BDP1: variants seen among roughly 807,000 people sequenced by gnomAD.
The protein encoded by BDP1 is BDP1 general transcription factor IIIB subunit.
In BDP1, 169 loss-of-function variants were observed where a neutral mutation model predicts 266.6. The observed-to-expected ratio is 0.63, with a 90% CI of 0.56 to 0.72. The LOEUF is 0.72. Among genes scored for constraint, BDP1 ranks in the 30% least tolerant of loss-of-function variants. The pLI, the probability that BDP1 is intolerant of heterozygous loss-of-function variation, is 0.00. For synonymous variants in BDP1, 1,090 were observed against 1,022.4 expected, an observed-to-expected ratio of 1.07 and a Z score of -1.26; for missense variants, 3,015 against 3,053.8, an observed-to-expected ratio of 0.99 and a Z score of 0.30.
chr5:71,511,982 A>G (rs138634043), intron 17 of BDP1, among the ~76,000 whole-genome samples: 3,779 of 147,380 alleles, frequency 0.026, 71 homozygotes, highest in South Asian at 0.075. Flanking sequence ...ATCTTCTAAC[A>G]TTTTCAAGGA....
At chr5:71,559,783 A>G (rs1219443574) in intron 36 of BDP1, among the ~76,000 whole-genome samples, 199 bp from the exon 37 acceptor site, 1 of 152,214 alleles carries the variant, frequency 6.6e-6, no homozygotes, top group Non-Finnish European at 1.5e-5. Context: ...TTGTTTCTGA[A>G]TGCAGAAGCT....
chr5:71,521,379 A>G (rs1271237507), intron 22 of BDP1, among the ~76,000 whole-genome samples: 1 of 141,106 alleles, frequency 7.1e-6, no homozygotes, highest in Non-Finnish European at 1.5e-5. Flanking sequence ...TGTAACCTCC[A>G]CCTCCCAGGT....
At chr5:71,513,130 C>T (rs1765025526) in intron 18 of BDP1, 55 bp from the exon 19 acceptor site, 8 of 1,303,294 alleles carry the variant, frequency 6.1e-6, no homozygotes, top group Admixed American at 2.1e-5. Flanking sequence ...ACTGAGACTC[C>T]GTTTCCACTG....
intron 11 of BDP1, among the ~76,000 whole-genome samples, chr5:71,491,640 T>G (rs1415017606): frequency 6.6e-6 from 1 of 152,194 alleles, no homozygotes; most frequent in African/African-American, 2.4e-5. Context: ...TAACTGCACC[T>G]CTATACCTAT....
Position 71,506,810 on chromosome 5 carries a change from CACACACACACACA to C in BDP1, c.2372+2060_2372+2072del, listed in dbSNP as rs2150459022. ...AAACACACACACACACACACACACA[CACACACACACACA>C]CCCATATTTTTTTAAAGACAAGGGT... On this transcript the variant is annotated intron_variant, in intron 16 of 38. Transcript: ENST00000358731. 1.4e-5 allele frequency among the ~76,000 whole-genome samples: 2 copies of C among 140,828 alleles called. 1 individual carries two copies. The highest frequency in any genetic ancestry group is 4.9e-4 in the South Asian group (2 of 4,092). The allele number at this position is 140,828 out of a possible 152,430, so 92.4% of individuals were successfully genotyped here.
At chr5:71,533,811 T>C (rs1016595999) in intron 26 of BDP1, among the ~76,000 whole-genome samples, 3 of 152,054 alleles carry the variant, frequency 2.0e-5, no homozygotes, top group African/African-American at 7.2e-5. Flanking sequence ...TGGTGTCACA[T>C]TGTGGTTTTG....
chr5:71,542,898 A>C (rs1640583102), intron 30 of BDP1, among the ~76,000 whole-genome samples: 1 of 151,952 alleles, frequency 6.6e-6, no homozygotes, highest in Admixed American at 6.6e-5. Flanking sequence ...CTGTTTTTTC[A>C]ACTCATGTCC....
intron 5 of BDP1, 125 bp downstream of exon 5, chr5:71,466,346 A>G: frequency 9.8e-7 from 1 of 1,020,136 alleles, no homozygotes; most frequent in Non-Finnish European, 1.4e-6. Context: ...TATTTGCATA[A>G]TGAATATTGT....
intron 26 of BDP1, among the ~76,000 whole-genome samples, chr5:71,533,489 A>G (rs1766385092): frequency 7.9e-6 from 1 of 127,384 alleles, no homozygotes; most frequent in East Asian, 2.3e-4. Context: ...TTTTTTTGAG[A>G]CGGCCTTGCA....
chr5:71,495,554 C>A, intron 12 of BDP1, 146 bp downstream of exon 12: 1 of 495,968 alleles, frequency 2.0e-6, no homozygotes, highest in African/African-American at 2.0e-5. Flanking sequence ...TGTAATTATA[C>A]TGTAGTCTGT....
chr5:71,536,707 G>A (rs1018905971), intron 26 of BDP1, among the ~76,000 whole-genome samples: 2 of 152,154 alleles, frequency 1.3e-5, no homozygotes, highest in African/African-American at 4.8e-5. Context: ...GCATGCGCCT[G>A]TGGTCCCAGC....
Position 71,456,041 on chromosome 5 carries a change from C to CA in BDP1, c.165dup (p.Val56SerfsTer14), listed in dbSNP as rs1561657649. ...CCCGCGGAGCCCACAGATGTGCCCA[C>CA]AGTCGATTTCGGTGGAGCGGAGCCC... On this transcript the variant is annotated frameshift_variant, in exon 1 of 39. Coordinates refer to ENST00000358731, the MANE Select transcript of BDP1 (RefSeq NM_018429.3). LOFTEE classifies it high-confidence loss of function. The CA allele has an allele frequency of 6.2e-7, 1 of 1,613,504 alleles. No homozygotes were observed. Among genetic ancestry groups the CA allele is most frequent in the Non-Finnish European group, 8.5e-7 (1 of 1,180,042 alleles).
At chr5:71,533,088 A>C (rs375677212) in intron 26 of BDP1, among the ~76,000 whole-genome samples, 3 of 152,152 alleles carry the variant, frequency 2.0e-5, no homozygotes, top group African/African-American at 7.2e-5. Context: ...CTGTTCATCT[A>C]TGTTGCAGCA....
chr5:71,560,619 T>G (rs1000393842), intron 37 of BDP1, among the ~76,000 whole-genome samples: 1 of 152,194 alleles, frequency 6.6e-6, no homozygotes, highest in African/African-American at 2.4e-5. Context: ...TTTTCTCCCT[T>G]GTGACAAACC....
intron 34 of BDP1, among the ~76,000 whole-genome samples, chr5:71,552,525 G>T (rs1742900900): frequency 6.6e-6 from 1 of 152,260 alleles, no homozygotes; most frequent in South Asian, 2.1e-4. Context: ...TCCAGCCTGG[G>T]CACCATTGAG....
chr5:71,575,089 C>T, the BDP1 span, among the ~76,000 whole-genome samples: 2 of 152,096 alleles, frequency 1.3e-5, no homozygotes, highest in South Asian at 2.1e-4. Flanking sequence ...AGCCTTATGT[C>T]GCAAATACAG....
chr5:71,522,513 A>AC (rs1270271359), intron 23 of BDP1, 23 bp downstream of exon 23: 12 of 1,572,504 alleles, frequency 7.6e-6, no homozygotes, highest in Non-Finnish European at 1.0e-5. Flanking sequence ...AAAAAAAAAA[A>AC]AAAAATTTTT....
intron 7 of BDP1, among the ~76,000 whole-genome samples, chr5:71,474,487 T>C (rs1421087525): frequency 6.6e-6 from 1 of 152,022 alleles, no homozygotes; most frequent in Non-Finnish European, 1.5e-5. Flanking sequence ...AACACCACTA[T>C]GCCCAGCTAA....
chr5:71,525,028 C>G (rs1447666531), intron 25 of BDP1, among the ~76,000 whole-genome samples: 4 of 152,118 alleles, frequency 2.6e-5, no homozygotes, highest in Non-Finnish European at 4.4e-5. Context: ...TCTCCCATGT[C>G]TACCTCTTTC....
Sources: allele counts gnomAD v4.1 joint callset (sites outside exome capture counted in the v4.1 genomes callset), GRCh38; gene constraint gnomAD v4.1.1; transcripts MANE v1.5; gene names NCBI Gene and HGNC (gene_info 2026-07-23, HGNC 2026-07-21).